GET1: variants seen among roughly 807,000 people sequenced by gnomAD.
GET1 encodes guided entry of tail-anchored proteins factor 1, also known as congenital heart disease 5 protein.
Under a neutral mutation model 22.6 loss-of-function variants are expected in GET1, and 20 were observed. The observed-to-expected ratio is 0.89, with a 90% CI of 0.62 to 1.29. The LOEUF (loss-of-function observed/expected upper bound fraction) is 1.29, where lower values mean the gene tolerates loss of function less well. Among genes scored for constraint, GET1 ranks in the 50% most tolerant of loss-of-function variants. The probability of loss-of-function intolerance (pLI) is 0.00; values close to 1 mark genes in which losing one functional copy is unlikely to be tolerated. For synonymous variants in GET1, 92 were observed against 83.8 expected (o/e 1.10, Z -0.53); for missense variants, 209 against 219.9 (o/e 0.95, Z 0.31).
chr21:39,411,775 T>C (rs748150262), intron 1 of GET1: 1 of 1,589,692 alleles, frequency 6.3e-7, no homozygotes, highest in Non-Finnish European at 8.6e-7. Context: ...CTATAGATGT[T>C]TTTAATTTCA....
At chr21:39,423,542 A>C (rs1466426227) in intron 1 of GET1, 1 of 1,425,928 alleles carries the variant, frequency 7.0e-7, no homozygotes. Context: ...CAGATATGCA[A>C]ATATGCACAT....
chr21:39,382,727 A>T (rs1441645395), intron 1 of GET1, among the ~76,000 whole-genome samples: 7 of 152,208 alleles, frequency 4.6e-5, no homozygotes, highest in Admixed American at 4.6e-4. Flanking sequence ...GTTTACAAAT[A>T]TCTCTTTGAG....
In GET1 at chr21:39,406,416, A is replaced by G. The variant is rs145294478; in HGVS notation, c.*432A>G. On this transcript the variant is annotated 3_prime_UTR_variant, in exon 5 of 5. Coordinates refer to the GET1 transcript ENST00000415847. The stretch of plus-strand genomic sequence containing the variant: ...CACCATTTCTCTGCATGCTTCTTTT[A>G]AACTTTTCTCTTACTAGAACATCTT... The G allele has an allele frequency of 5.6e-6, 9 of 1,614,142 alleles. No homozygotes were observed. The African/African-American group carries it at 1.2e-4, about 22-fold the overall frequency.
chr21:39,411,637 C>T lies in GET1; in HGVS notation c.*23+700C>T. ...CTAATGAAGTGATTTTTGAAAATAT[C>T]CATTATTTTGTCTATATAAATTAGG... On this transcript the variant is annotated intron_variant, in intron 1 of 1. Transcript: ENST00000478273. 4.6e-6 allele frequency: 3 copies of T among 648,168 alleles called. No homozygotes were observed. In the East Asian group the frequency reaches 8.4e-5, roughly 18 times the overall value. 40.2% of individuals were successfully genotyped at this position (648,168 alleles called of 1,614,324 possible).
intron 1 of GET1, among the ~76,000 whole-genome samples, chr21:39,389,698 A>G (rs1407138005): frequency 6.6e-6 from 1 of 152,094 alleles, no homozygotes; most frequent in Non-Finnish European, 1.5e-5. Flanking sequence ...GGACCCCTGT[A>G]TCACCATGCC....
At chr21:39,406,920 A>T (rs1168911827), downstream of GET1, among the ~76,000 whole-genome samples, 4 of 152,202 alleles carry the variant, frequency 2.6e-5, no homozygotes, top group African/African-American at 9.7e-5. Flanking sequence ...CACTAACTGG[A>T]CATACTGCCA....
downstream of GET1, among the ~76,000 whole-genome samples, chr21:39,400,541 T>C (rs770676508): frequency 2.6e-5 from 4 of 152,190 alleles, no homozygotes; most frequent in Admixed American, 6.5e-5. Flanking sequence ...GCAGTTGAAA[T>C]GTTAGCAATT....
intron 1 of GET1, chr21:39,411,694 T>C: frequency 1.6e-6 from 2 of 1,221,658 alleles, no homozygotes; most frequent in Non-Finnish European, 2.3e-6. Flanking sequence ...AAATAGATTT[T>C]GAGCAAAAGT....
chr21:39,423,480 TTCC>T, intron 1 of GET1: 2 of 1,563,314 alleles, frequency 1.3e-6, no homozygotes, highest in East Asian at 4.5e-5. Flanking sequence ...CAACTGATAT[TTCC>T]TTCTGGCCTG....
At chr21:39,399,888 T>C (rs1442541005), downstream of GET1, among the ~76,000 whole-genome samples, 2 of 150,062 alleles carry the variant, frequency 1.3e-5, no homozygotes, top group African/African-American at 4.9e-5. Context: ...TTTTTAAATA[T>C]ACAAATCCAT....
intron 4 of GET1, among the ~76,000 whole-genome samples, chr21:39,405,319 A>G (rs2038984543): frequency 6.6e-6 from 1 of 151,882 alleles, no homozygotes; most frequent in Non-Finnish European, 1.5e-5. Flanking sequence ...TCAGCCTCCC[A>G]AGTAGCTGGG....
intron 2 of GET1, chr21:39,391,372 A>T (rs1311694902): frequency 1.1e-5 from 3 of 264,206 alleles, no homozygotes; most frequent in Non-Finnish European, 2.2e-5. Context: ...TGTGGCTAGG[A>T]AAACAGACAG....
intron 3 of GET1, 159 bp downstream of exon 3, chr21:39,391,995 A>G (rs1055164369): frequency 3.1e-6 from 2 of 638,966 alleles, no homozygotes; most frequent in African/African-American, 1.9e-5. Flanking sequence ...CTCGGTCTCT[A>G]AGTCAGACTA....
At chr21:39,390,959 A>G in intron 2 of GET1, 96 bp downstream of exon 2, 1 of 1,372,028 alleles carries the variant, frequency 7.3e-7, no homozygotes, top group Non-Finnish European at 9.9e-7. Flanking sequence ...TGCTTCTTGG[A>G]TGTTCTGAAT....
chr21:39,392,930 T>C (rs1223278042), intron 3 of GET1: 1 of 445,706 alleles, frequency 2.2e-6, no homozygotes, highest in East Asian at 3.6e-5. Flanking sequence ...TTGTTGGCAG[T>C]GTTCAGACAT....
At chr21:39,422,923 C>T in intron 1 of GET1, 1 of 1,533,310 alleles carries the variant, frequency 6.5e-7, no homozygotes, top group East Asian at 2.3e-5. Flanking sequence ...AATTCACACC[C>T]TCTCTCTATT....
intron 1 of GET1, among the ~76,000 whole-genome samples, chr21:39,385,936 G>GC (rs1293647901): frequency 6.6e-6 from 1 of 152,182 alleles, no homozygotes; most frequent in Non-Finnish European, 1.5e-5. Context: ...GACTGGCGCT[G>GC]GCTCAGGGTC....
At chr21:39,415,881 C>CT (rs762773681) in intron 1 of GET1, among the ~76,000 whole-genome samples, 28 of 152,146 alleles carry the variant, frequency 1.8e-4, no homozygotes, top group Middle Eastern at 3.2e-3. Context: ...CTCCCCTCTT[C>CT]TTTTTTCAGT....
downstream of GET1, chr21:39,410,851 G>A (rs765301712): frequency 4.2e-6 from 2 of 471,182 alleles, no homozygotes; most frequent in Non-Finnish European, 8.8e-6. Context: ...TAGATTATAA[G>A]CCAGAAGCAA....
Sources: gnomAD v4.1 joint callset for allele counts (sites outside exome capture counted in the v4.1 genomes callset) on GRCh38, gnomAD v4.1.1 for gene constraint, MANE v1.5 for transcripts, NCBI Gene and HGNC (gene_info 2026-07-23, HGNC 2026-07-21) for gene names.